Variants in AFTPH observed in about 807,000 individuals in gnomAD.
The protein encoded by AFTPH is aftiphilin.
In AFTPH, 7 loss-of-function variants were observed where a neutral mutation model predicts 72.5. The observed-to-expected ratio is 0.10, with a 90% CI of 0.05 to 0.18. The LOEUF (loss-of-function observed/expected upper bound fraction) is 0.18, where lower values mean the gene tolerates loss of function less well. Ranked by LOEUF, AFTPH falls within the 10% of genes least tolerant of loss-of-function variation. AFTPH has a pLI of 1.00. For synonymous variants in AFTPH, 337 were observed against 370.1 expected, an observed-to-expected ratio of 0.91 and a Z score of 1.03; for missense variants, 979 against 1,060.5, an observed-to-expected ratio of 0.92 and a Z score of 1.07.
chr2:64,586,078 C>T lies in AFTPH; in HGVS notation c.2579+533C>T, dbSNP rs567001477. ...CCTATTGAAGAGCAATTACCATCTC[C>T]CTGTGTTGGAACTAAAGGCACGGAA... On this transcript the variant is annotated intron_variant, in intron 8 of 8. Coordinates refer to ENST00000238856, the Ensembl canonical transcript of AFTPH. 1.8e-3 allele frequency among the ~76,000 whole-genome samples: 280 copies of T among 152,286 alleles called. 2 individuals are homozygous for T. The highest frequency in any genetic ancestry group is 9.9e-3 in the South Asian group (48 of 4,826).
chr2:64,562,874 C>A (rs528017338), intron 2 of AFTPH, among the ~76,000 whole-genome samples: 1 of 152,284 alleles, frequency 6.6e-6, no homozygotes, highest in African/African-American at 2.4e-5. Context: ...TACTGCCTTA[C>A]GTGCCTAAGG....
At chr2:64,576,150 T>C (rs1672783387) in intron 6 of AFTPH, among the ~76,000 whole-genome samples, 1 of 148,712 alleles carries the variant, frequency 6.7e-6, no homozygotes, top group African/African-American at 2.5e-5. Context: ...CGTGTGTGTG[T>C]GTGTGTATGT....
At chr2:64,575,739 G>GTATA (rs1348716140) in intron 6 of AFTPH, among the ~76,000 whole-genome samples, 10 of 111,168 alleles carry the variant, frequency 9.0e-5, no homozygotes, top group African/African-American at 3.0e-4. Flanking sequence ...GTGTGTGTGT[G>GTATA]TGTATATATT....
chr2:64,561,931 T>A (rs1161913669), intron 2 of AFTPH, among the ~76,000 whole-genome samples: 1 of 152,182 alleles, frequency 6.6e-6, no homozygotes, highest in African/African-American at 2.4e-5. Flanking sequence ...ATCCCTTATC[T>A]AATTATGGCT....
intron 6 of AFTPH, among the ~76,000 whole-genome samples, chr2:64,575,100 G>T (rs1382030324): frequency 6.8e-6 from 1 of 147,576 alleles, no homozygotes; most frequent in African/African-American, 2.5e-5. Context: ...ATTGCTTATT[G>T]TATCAGTTAG....
At chr2:64,591,853 AT>A in intron 8 of AFTPH, 34 bp from the exon 10 acceptor site, 1 of 1,611,830 alleles carries the variant, frequency 6.2e-7, no homozygotes, top group East Asian at 2.2e-5. Flanking sequence ...GCAAAGTCAC[AT>A]TAACACACTT....
intron 6 of AFTPH, among the ~76,000 whole-genome samples, chr2:64,577,366 A>G (rs1334131448): frequency 6.6e-6 from 1 of 151,220 alleles, no homozygotes; most frequent in South Asian, 2.1e-4. Context: ...TTTCCGTTAA[A>G]TGTCGATTCG....
At chr2:64,582,330 G>C (rs1015645800) in intron 7 of AFTPH, among the ~76,000 whole-genome samples, 6 of 152,200 alleles carry the variant, frequency 3.9e-5, no homozygotes. Context: ...CTAACAGTCA[G>C]CTCAGAGTGA....
chr2:64,566,246 T>C (rs1323864210), intron 2 of AFTPH, among the ~76,000 whole-genome samples: 1 of 151,580 alleles, frequency 6.6e-6, no homozygotes, highest in African/African-American at 2.4e-5. Context: ...TTACTTAGGG[T>C]TCATAATTGA....
At chr2:64,577,954 C>A (rs1175703989) in intron 6 of AFTPH, among the ~76,000 whole-genome samples, 1 of 148,880 alleles carries the variant, frequency 6.7e-6, no homozygotes, top group Non-Finnish European at 1.5e-5. Context: ...TAACCACCAC[C>A]ACCAGTCAAG....
intron 2 of AFTPH, among the ~76,000 whole-genome samples, chr2:64,556,150 G>T (rs572618652): frequency 6.6e-6 from 1 of 152,148 alleles, no homozygotes; most frequent in African/African-American, 2.4e-5. Context: ...ACCACGCCCG[G>T]CTAATTTTTG....
intron 2 of AFTPH, among the ~76,000 whole-genome samples, chr2:64,561,244 G>A (rs1671724501): frequency 1.3e-5 from 2 of 152,186 alleles, no homozygotes; most frequent in African/African-American, 4.8e-5. Flanking sequence ...TTAGAAGTTG[G>A]TACTTCTGTG....
At chr2:64,553,529 T>C (rs1345887948) in intron 2 of AFTPH, 120 bp downstream of exon 2, 1 of 1,070,212 alleles carries the variant, frequency 9.3e-7, no homozygotes, top group Non-Finnish European at 1.3e-6. Context: ...CGTTATGATG[T>C]ATAATGCCTG....
At chr2:64,557,183 C>A (rs111308678) in intron 2 of AFTPH, among the ~76,000 whole-genome samples, 17 of 152,034 alleles carry the variant, frequency 1.1e-4, no homozygotes, top group African/African-American at 3.1e-4. Context: ...TTGATAGCTA[C>A]ATGATAAAAG....
chr2:64,561,929 T>C (rs140984672), intron 2 of AFTPH, among the ~76,000 whole-genome samples: 7 of 152,288 alleles, frequency 4.6e-5, no homozygotes, highest in Non-Finnish European at 8.8e-5. Flanking sequence ...AAATCCCTTA[T>C]CTAATTATGG....
intron 3 of AFTPH, among the ~76,000 whole-genome samples, chr2:64,568,854 C>T (rs969862995): frequency 1.1e-4 from 17 of 152,190 alleles, no homozygotes; most frequent in African/African-American, 3.9e-4. Flanking sequence ...TCAGGTGATC[C>T]GCCTGCCTCG....
intron 1 of AFTPH, among the ~76,000 whole-genome samples, chr2:64,544,959 C>A: frequency 6.6e-6 from 1 of 152,100 alleles, no homozygotes; most frequent in Non-Finnish European, 1.5e-5. Flanking sequence ...GCCTGTCTCA[C>A]CTATAATGGA....
At chr2:64,541,716 A>G (rs1670262008) in intron 1 of AFTPH, among the ~76,000 whole-genome samples, 1 of 152,152 alleles carries the variant, frequency 6.6e-6, no homozygotes, top group Non-Finnish European at 1.5e-5. Context: ...ACACCAGGCA[A>G]CACTTGTAAT....
At chr2:64,579,344 C>T in intron 6 of AFTPH, 142 bp from the exon 7 acceptor site, 1 of 541,512 alleles carries the variant, frequency 1.8e-6, no homozygotes, top group East Asian at 3.0e-5. Context: ...TGCAGGTAAC[C>T]TTCTGAAATT....
Sources: gnomAD v4.1 joint callset for allele counts (sites outside exome capture counted in the v4.1 genomes callset) on GRCh38, gnomAD v4.1.1 for gene constraint, MANE v1.5 for transcripts, NCBI Gene and HGNC (gene_info 2026-07-23, HGNC 2026-07-21) for gene names.